APLN: variants seen among roughly 807,000 people sequenced by gnomAD.
APLN encodes AGTRL1 ligand.
APLN carries 2 observed loss-of-function variants against 4.3 expected under a neutral mutation model. The ratio of observed to expected loss-of-function variants is 0.46; its 90% CI spans 0.19 to 1.45. The LOEUF (loss-of-function observed/expected upper bound fraction) is 1.45. APLN is among the 40% of genes most tolerant of loss of function. The probability of loss-of-function intolerance (pLI) is 0.25; values close to 1 mark genes in which losing one functional copy is unlikely to be tolerated. For missense variants in APLN, 80 were observed against 70.0 expected (o/e 1.14, Z -0.51); for synonymous variants, 34 against 30.4 (o/e 1.12, Z -0.38).
intron 1 of APLN, among the ~76,000 whole-genome samples, chrX:129,652,855 C>T (rs893922405): frequency 9.9e-5 from 11 of 111,336 alleles, no homozygotes; most frequent in African/African-American, 3.6e-4. Flanking sequence ...TCCCCACAGC[C>T]TCTGGGGGGA....
intron 1 of APLN, 51 bp from the exon 2 acceptor site, chrX:129,648,843 G>C: frequency 9.2e-7 from 1 of 1,087,057 alleles, no homozygotes; most frequent in Non-Finnish European, 1.2e-6. Flanking sequence ...GAAACGGGCA[G>C]GGGCTGCAGA....
rs1304419845 is a variant in APLN, at chrX:129,647,720, T to A, written c.*203A>T. The A allele has an allele frequency of 2.0e-6, 2 of 982,441 alleles. No individual in the cohort carries two copies. Among genetic ancestry groups the A allele is most frequent in the Non-Finnish European group, 1.3e-6 (1 of 755,979 alleles). The allele number at this position is 982,441 out of a possible 1,213,427, so 81.0% of individuals were successfully genotyped here. ...GGAAGATGGACTGGACGGATTCTTG[T>A]GAGAGAACGGGAATCATCCAAACTA... On this transcript the variant is annotated 3_prime_UTR_variant, in exon 3 of 3. Coordinates refer to ENST00000429967, the MANE Select transcript of APLN (RefSeq NM_017413.5).
chrX:129,648,772 C>A lies in APLN; in HGVS notation c.88G>T (p.Asp30Tyr), dbSNP rs372904602. 2.6e-6 allele frequency: 3 copies of A among 1,170,463 alleles called. No individual in the cohort carries two copies. The highest frequency in any genetic ancestry group is 3.4e-6 in the Non-Finnish European group (3 of 874,664). Residue 30 changes from aspartate (D) to tyrosine (Y), a missense_variant, in exon 2 of 3, where the codon GAT (aspartate) becomes TAT (tyrosine). Coordinates refer to ENST00000429967, the MANE Select transcript of APLN (RefSeq NM_017413.5). The stretch of plus-strand genomic sequence containing the variant: ...TTGCCGTCTTCCAGCCCATTCCCAT[C>A]GGGAAGCGGCATCAGGGACCCTGCA... ...VCGGSLMPLP[D>Y]GNGLEDGNVR...
At position 129,646,777 on chromosome X, in the gene APLN, C is replaced by A. The variant is rs1375770223; in HGVS notation, c.*1146G>T. On this transcript the variant is annotated 3_prime_UTR_variant, in exon 3 of 3. Transcript: ENST00000429967. ...GGCAGCTGGCCAGTTATGGAACCTT[C>A]CAGCCCAGCTGGGGGAATGGTGCAG... The A allele has an allele frequency of 8.9e-6, 1 of 112,299 alleles. No individual in the cohort carries two copies. Among genetic ancestry groups the A allele is most frequent in the Non-Finnish European group, 1.9e-5 (1 of 53,167 alleles). 9.3% of individuals were successfully genotyped at this position (112,299 alleles called of 1,213,427 possible). A position where few individuals can be genotyped will look rare whatever the true frequency, so the allele number is the denominator to read the frequency against.
chrX:129,650,884 G>C (rs1762094910), intron 1 of APLN, among the ~76,000 whole-genome samples: 1 of 111,996 alleles, frequency 8.9e-6, no homozygotes, highest in Non-Finnish European at 1.9e-5. Flanking sequence ...TAAGGAGCAG[G>C]GGAAGGACCT....
intron 1 of APLN, among the ~76,000 whole-genome samples, chrX:129,652,774 C>A (rs1036642049): frequency 8.9e-6 from 1 of 112,068 alleles, no homozygotes; most frequent in Non-Finnish European, 1.9e-5. Context: ...CCAGCTCTCT[C>A]CCCTTTGCTA....
chrX:129,651,912 C>G (rs1026773453), intron 1 of APLN, among the ~76,000 whole-genome samples: 1 of 112,146 alleles, frequency 8.9e-6, no homozygotes, highest in Non-Finnish European at 1.9e-5. Flanking sequence ...CCATCCCAGT[C>G]GCCTTCTCCA....
rs1195681006 is a variant in APLN at position 129,654,667 on chromosome X, C to T, written c.-37G>A. On this transcript the variant is annotated 5_prime_UTR_variant, in exon 1 of 3. Coordinates refer to ENST00000429967, the MANE Select transcript of APLN (RefSeq NM_017413.5). ...GGCCGCCGCGGCCCCGGCGAGCCGG[C>T]GCGGGGGAGGAGAGGTCGGGCGCCC... The T allele has an allele frequency of 5.7e-6, 6 of 1,056,155 alleles. No homozygotes were observed. The highest frequency in any genetic ancestry group is 5.0e-5 in the South Asian group (2 of 40,341). 87.0% of individuals were successfully genotyped at this position (1,056,155 alleles called of 1,213,427 possible).
In APLN at chrX:129,647,913, C is replaced by T. The variant is rs1194177710; in HGVS notation, c.*10G>A. The T allele has an allele frequency of 2.0e-6, 2 of 982,970 alleles. No individual in the cohort carries two copies. The highest frequency in any genetic ancestry group is 2.6e-6 in the Non-Finnish European group (2 of 756,097). The allele number at this position is 982,970 out of a possible 1,213,427, so 81.0% of individuals were successfully genotyped here. A position where few individuals can be genotyped will look rare whatever the true frequency, so the allele number is the denominator to read the frequency against. ...GGGGGTGGGCACTTGGGGGCCCCTT[C>T]AGTCCTAAGGAGACAAAAATGACAA... On this transcript the variant is annotated 3_prime_UTR_variant, in exon 3 of 3. Transcript: ENST00000429967.
In APLN at chrX:129,645,357, A is replaced by C. The variant is rs191066974; in HGVS notation, c.*2566T>G. ...AATGATACAAACAAAGTCATTATCA[A>C]ATGTATTTATTGCTGAAAACATAAC... On this transcript the variant is annotated 3_prime_UTR_variant, in exon 3 of 3. Coordinates refer to ENST00000429967, the MANE Select transcript of APLN (RefSeq NM_017413.5). The C allele has an allele frequency of 7.1e-5, 8 of 112,749 alleles. No individual in the cohort carries two copies. The East Asian group carries it at 1.7e-3, about 23-fold the overall frequency. The allele number at this position is 112,749 out of a possible 1,213,427, so 9.3% of individuals were successfully genotyped here.
Position 129,648,660 on chromosome X carries a change from G to A in APLN, c.200C>T (p.Pro67Leu). 8.4e-7 allele frequency: 1 copy of A among 1,193,903 alleles called. No homozygotes were observed. Among genetic ancestry groups the A allele is most frequent in the Non-Finnish European group, 1.1e-6 (1 of 886,200 alleles). ...GGRRKFRRQR[P>L]RLSHKGPMPF ...CATGGGTCCCTTATGGGAGAGGCGG[G>A]GCCGCTGGCGGCGGAATTTCCTCCG... is the stretch of plus-strand genomic sequence containing the variant. The change falls in exon 2 of 3, where the codon CCC becomes CTC. Residue 67 changes from proline to leucine, a missense_variant. By Grantham distance (98) the Pro-to-Leu change is moderately conservative. Coordinates refer to ENST00000429967, the MANE Select transcript of APLN (RefSeq NM_017413.5).
Position 129,647,380 on chromosome X carries a change from C to G in APLN, c.*543G>C, listed in dbSNP as rs759176049. Reference sequence around the variant, plus strand: ...CCAGAGCTCCTGAAAACCACCCTGGCACTTCCATGCCCCCAATGTGCCCTG... The same window carrying G: ...CCAGAGCTCCTGAAAACCACCCTGGGACTTCCATGCCCCCAATGTGCCCTG... On this transcript the variant is annotated 3_prime_UTR_variant, in exon 3 of 3. Coordinates refer to ENST00000429967, the MANE Select transcript of APLN (RefSeq NM_017413.5). 8.2e-6 allele frequency: 2 copies of G among 242,920 alleles called. No homozygotes were observed. Among genetic ancestry groups the G allele is most frequent in the African/African-American group, 5.7e-5 (2 of 34,976 alleles). The allele number at this position is 242,920 out of a possible 1,213,427, so 20.0% of individuals were successfully genotyped here.
intron 1 of APLN, 82 bp downstream of exon 1, chrX:129,654,482 G>A: frequency 1.1e-6 from 1 of 950,945 alleles, no homozygotes; most frequent in Non-Finnish European, 1.4e-6. Flanking sequence ...GGGCTCCCCG[G>A]GAGGCGGGGA....
Position 129,647,901 on chromosome X carries a change from T to TG in APLN, c.*21dup. On this transcript the variant is annotated 3_prime_UTR_variant, in exon 3 of 3. Coordinates refer to ENST00000429967, the MANE Select transcript of APLN (RefSeq NM_017413.5). ...GACATAACCGCCGGGGGTGGGCACT[T>TG]GGGGGCCCCTTCAGTCCTAAGGAGA... The TG allele has an allele frequency of 1.0e-6, 1 of 982,841 alleles. No individual in the cohort carries two copies. Among genetic ancestry groups the TG allele is most frequent in the South Asian group, 2.0e-5 (1 of 50,516 alleles). 81.0% of individuals were successfully genotyped at this position (982,841 alleles called of 1,213,427 possible). A position where few individuals can be genotyped will look rare whatever the true frequency, so the allele number is the denominator to read the frequency against.
At chrX:129,651,534 C>T (rs1388411534) in intron 1 of APLN, among the ~76,000 whole-genome samples, 1 of 112,233 alleles carries the variant, frequency 8.9e-6, no homozygotes, top group South Asian at 3.7e-4. Context: ...TCATTTGCTA[C>T]GTAAAAGGAG....
intron 1 of APLN, among the ~76,000 whole-genome samples, chrX:129,651,782 A>G (rs1936980267): frequency 8.9e-6 from 1 of 112,080 alleles, no homozygotes; most frequent in Admixed American, 9.4e-5. Flanking sequence ...TTCCTCTCTC[A>G]GTCTGGCCTG....
rs1041523390 is a variant in APLN, at chrX:129,648,807, A to G, written c.68-15T>C. ...CATCAGGGACCCTGCAGGAAGGAGA[A>G]AGCCTGTTAGTGAGGAAGGTTGTTG... On this transcript the variant is annotated splice_polypyrimidine_tract_variant and intron_variant, in intron 1 of 2. Transcript: ENST00000429967. 3 of 1,150,054 alleles carry G rather than the reference A, an allele frequency of 2.6e-6. No homozygotes were observed. The highest frequency in any genetic ancestry group is 3.5e-6 in the Non-Finnish European group (3 of 864,006). The allele number at this position is 1,150,054 out of a possible 1,213,427, so 94.8% of individuals were successfully genotyped here.
intron 1 of APLN, 46 bp downstream of exon 1, chrX:129,654,518 G>C (rs1185190572): frequency 4.4e-6 from 5 of 1,124,579 alleles, no homozygotes; most frequent in Non-Finnish European, 4.7e-6. Flanking sequence ...GGAGGGAAAG[G>C]AGCACGCCGG....
At position 129,648,674 on chromosome X, in the gene APLN, G is replaced by C; in HGVS notation, c.186C>G (p.Phe62Leu). The C allele has an allele frequency of 8.4e-7, 1 of 1,192,107 alleles. No homozygotes were observed. Among genetic ancestry groups the C allele is most frequent in the South Asian group, 1.8e-5 (1 of 54,069 alleles). ...GGGAGAGGCGGGGCCGCTGGCGGCG[G>C]AATTTCCTCCGACCTCCCTGCCAGG... ...PGPWQGGRRK[F>L]RRQRPRLSHK... The change falls in exon 2 of 3, where the codon TTC (phenylalanine) becomes TTG (leucine). Residue 62 changes from phenylalanine (F) to leucine (L), a missense_variant. Physicochemically the swap from Phe to Leu is conservative, Grantham distance 22. Coordinates refer to ENST00000429967, the MANE Select transcript of APLN (RefSeq NM_017413.5).
Sources: gnomAD v4.1 joint callset for allele counts (sites outside exome capture counted in the v4.1 genomes callset) on GRCh38, gnomAD v4.1.1 for gene constraint, MANE v1.5 for transcripts, NCBI Gene and HGNC (gene_info 2026-07-23, HGNC 2026-07-21) for gene names.